Variants in SLC30A8 observed in about 807,000 individuals in gnomAD.
The protein encoded by SLC30A8 is proton-coupled zinc antiporter SLC30A8.
In SLC30A8, 27 loss-of-function variants were observed where a neutral mutation model predicts 36.9. That is an observed-to-expected ratio of 0.73 (90% confidence interval 0.54 to 1.01). SLC30A8 has a LOEUF of 1.01. Among genes scored for constraint, SLC30A8 ranks in the 50% least tolerant of loss-of-function variants. The pLI is 0.00. For missense variants in SLC30A8, 439 were observed against 452.0 expected (o/e 0.97, Z 0.26); for synonymous variants, 164 against 172.4 (o/e 0.95, Z 0.38).
At chr8:117,072,804 G>C (rs991931431) in intron 2 of SLC30A8, among the ~76,000 whole-genome samples, 12 of 142,780 alleles carry the variant, frequency 8.4e-5, no homozygotes, top group Admixed American at 2.1e-4. Context: ...CCCTACCAAA[G>C]AAAAAAACTG....
intron 2 of SLC30A8, 119 bp downstream of exon 2, chr8:117,147,272 C>A: frequency 1.3e-6 from 1 of 798,004 alleles, no homozygotes; most frequent in Non-Finnish European, 2.0e-6. Flanking sequence ...TATAAGGTAA[C>A]AATATGCTCA....
chr8:117,096,244 C>T (rs1819357579), intron 2 of SLC30A8, among the ~76,000 whole-genome samples: 1 of 152,174 alleles, frequency 6.6e-6, no homozygotes. Flanking sequence ...CCTTGAGTGA[C>T]CTCTGCTACT....
rs182813423 is a variant in SLC30A8, at chr8:117,018,738, C to T, written c.-265-20481C>T. On this transcript the variant is annotated intron_variant, in intron 1 of 10. Coordinates refer to the SLC30A8 transcript ENST00000427715. ...CTGGAGTGCAGTGGTGCAATGTTGG[C>T]TCACTGCAACCTCCGCCTCCTGGGT... Among the ~76,000 whole-genome samples, 12 of 133,244 alleles carry T rather than the reference C, an allele frequency of 9.0e-5. No individual in the cohort carries two copies. In the East Asian group the frequency reaches 2.9e-3, roughly 33 times the overall value. The allele number at this position is 133,244 out of a possible 152,430, so 87.4% of individuals were successfully genotyped here. A position where few individuals can be genotyped will look rare whatever the true frequency, so the allele number is the denominator to read the frequency against.
intron 1 of SLC30A8, among the ~76,000 whole-genome samples, chr8:117,035,461 G>A (rs886749534): frequency 3.3e-5 from 5 of 152,338 alleles, no homozygotes; most frequent in African/African-American, 9.6e-5. Flanking sequence ...GCTGATGCAA[G>A]GCGTGGGCTC....
At chr8:117,125,252 TTG>T (rs1820854550) in intron 2 of SLC30A8, among the ~76,000 whole-genome samples, 1 of 152,006 alleles carries the variant, frequency 6.6e-6, no homozygotes, top group African/African-American at 2.4e-5. Flanking sequence ...ATATGTAGTT[TTG>T]TCTTATGGGT....
intron 1 of SLC30A8, among the ~76,000 whole-genome samples, chr8:116,997,878 C>G (rs1166221607): frequency 6.6e-6 from 1 of 152,144 alleles, no homozygotes; most frequent in Admixed American, 6.5e-5. Flanking sequence ...AGGGTCTGTT[C>G]TCTCAAGTGG....
intron 1 of SLC30A8, among the ~76,000 whole-genome samples, chr8:116,969,675 T>C (rs1814726903): frequency 6.6e-6 from 1 of 152,212 alleles, no homozygotes; most frequent in Admixed American, 6.5e-5. Context: ...GCTGCAAATC[T>C]GTACTGCCTG....
At chr8:117,104,902 G>A (rs1346107517) in intron 2 of SLC30A8, among the ~76,000 whole-genome samples, 2 of 152,108 alleles carry the variant, frequency 1.3e-5, no homozygotes, top group Non-Finnish European at 1.5e-5. Flanking sequence ...CGGCCATATA[G>A]GGTAACTTCC....
intron 1 of SLC30A8, among the ~76,000 whole-genome samples, chr8:116,987,439 A>AT (rs1272778199): frequency 3.3e-5 from 5 of 152,102 alleles, no homozygotes; most frequent in Non-Finnish European, 7.4e-5. Context: ...GTATAATAAA[A>AT]TAAAAAATGC....
Position 117,172,611 on chromosome 8 carries a change from T to C in SLC30A8, c.1040T>C (p.Leu347Pro), listed in dbSNP as rs781230568. 4.3e-6 allele frequency: 7 copies of C among 1,613,768 alleles called. No homozygotes were observed. Among genetic ancestry groups the C allele is most frequent in the African/African-American group, 2.7e-5 (2 of 75,024 alleles). Residue 347 changes from leucine to proline, a missense_variant, in exon 8 of 8, where the codon CTC (leucine) becomes CCC (proline). Coordinates refer to ENST00000456015, the MANE Select transcript of SLC30A8 (RefSeq NM_173851.3). Reference protein sequence around the residue: ...ALSKSFTMHSLTIQMESPVDQ... With the variant: ...ALSKSFTMHSPTIQMESPVDQ... The stretch of plus-strand genomic sequence containing the variant: ...AGCAAAAGCTTTACGATGCACTCAC[T>C]CACCATTCAGATGGAATCTCCAGTT...
intron 6 of SLC30A8, among the ~76,000 whole-genome samples, chr8:117,169,080 T>C (rs943110599): frequency 2.0e-5 from 3 of 151,802 alleles, no homozygotes; most frequent in African/African-American, 7.3e-5. Flanking sequence ...CCCATGACTT[T>C]ATTCACATTG....
chr8:116,960,507 A>G (rs1427066166), intron 1 of SLC30A8, among the ~76,000 whole-genome samples: 1 of 152,242 alleles, frequency 6.6e-6, no homozygotes, highest in Non-Finnish European at 1.5e-5. Flanking sequence ...TTGCCTTTAC[A>G]AAGGGAAATA....
chr8:116,987,701 T>A (rs1177610570), intron 1 of SLC30A8, among the ~76,000 whole-genome samples: 1 of 152,122 alleles, frequency 6.6e-6, no homozygotes. Context: ...ACTTTTTTAT[T>A]TTTTATTTTT....
chr8:116,966,024 C>T (rs1009022541), intron 1 of SLC30A8, among the ~76,000 whole-genome samples: 2 of 151,886 alleles, frequency 1.3e-5, no homozygotes, highest in Non-Finnish European at 2.9e-5. Context: ...GCTGGGATTA[C>T]AGGCACACAC....
Position 117,081,579 on chromosome 8 carries a change from G to T in SLC30A8, c.-226+42321G>T, listed in dbSNP as rs4876701. ...TTCAACATATGAATTTTGGAGGACTGCAATTCAGTCCCTAATAAAGGGATA... is the reference window on the plus strand; with the variant it reads ...TTCAACATATGAATTTTGGAGGACTTCAATTCAGTCCCTAATAAAGGGATA... On this transcript the variant is annotated intron_variant, in intron 2 of 10. Coordinates refer to the SLC30A8 transcript ENST00000427715. Among the ~76,000 whole-genome samples the T allele has an allele frequency of 3.7e-3, 556 of 152,164 alleles. 5 individuals are homozygous for T. The highest frequency in any genetic ancestry group is 0.012 in the African/African-American group (506 of 41,518).
intron 1 of SLC30A8, among the ~76,000 whole-genome samples, chr8:117,029,837 A>G (rs1015976038): frequency 1.4e-4 from 22 of 152,216 alleles, no homozygotes; most frequent in African/African-American, 4.1e-4. Context: ...TTTGACATTG[A>G]AGATAAATTC....
At chr8:117,116,073 G>A (rs549012598) in intron 2 of SLC30A8, among the ~76,000 whole-genome samples, 103 of 152,164 alleles carry the variant, frequency 6.8e-4, no homozygotes, top group Non-Finnish European at 1.1e-3. Context: ...CTTTCTTGAA[G>A]ACTTTGGCAA....
chr8:117,031,961 C>T (rs1452531004), intron 1 of SLC30A8, among the ~76,000 whole-genome samples: 2 of 152,160 alleles, frequency 1.3e-5, no homozygotes, highest in Non-Finnish European at 2.9e-5. Context: ...TATTTCCTTT[C>T]CACTTTCACT....
intron 1 of SLC30A8, chr8:117,018,330 CATAAT>C (rs1394094603): frequency 2.6e-5 from 4 of 152,170 alleles, no homozygotes; most frequent in Admixed American, 6.5e-5. Context: ...TATATTTTAA[CATAAT>C]ATATCAAAAA....
Sources: gnomAD v4.1 joint callset for allele counts (sites outside exome capture counted in the v4.1 genomes callset) on GRCh38, gnomAD v4.1.1 for gene constraint, MANE v1.5 for transcripts, NCBI Gene and HGNC (gene_info 2026-07-23, HGNC 2026-07-21) for gene names.